The following OR2T12 variants were observed in gnomAD, a reference collection of about 807,000 sequenced individuals.
The protein encoded by OR2T12 is olfactory receptor 2T12.
For synonymous variants in OR2T12, 127 were observed against 160.5 expected (o/e 0.79, Z 1.58); for missense variants, 335 against 404.3 (o/e 0.83, Z 1.47).
At position 248,292,356 on chromosome 1, in the gene OR2T12, C is replaced by CT. The variant is rs1161939163; in HGVS notation, c.*2259dup. On this transcript the variant is annotated 3_prime_UTR_variant, in exon 3 of 3. Coordinates refer to ENST00000641276, the MANE Select transcript of OR2T12 (RefSeq NM_001004692.2). Reference sequence around the variant, plus strand: ...TCTACCATTCATGCTCTTGTATACTCTGTCTCTATCAGGTACTCCTTCTTT... The same window carrying CT: ...TCTACCATTCATGCTCTTGTATACTCTTGTCTCTATCAGGTACTCCTTCTTT... The CT allele has an allele frequency of 6.6e-6, 1 of 152,086 alleles. No individual in the cohort carries two copies. The highest frequency in any genetic ancestry group is 1.5e-5 in the Non-Finnish European group (1 of 67,954). 9.4% of individuals were successfully genotyped at this position (152,086 alleles called of 1,614,324 possible).
Position 248,294,961 on chromosome 1 carries a change from C to T in OR2T12, c.618G>A (p.Leu206=). Residue 206 remains leucine, a synonymous_variant, in exon 3 of 3, where the codon CTG becomes CTA. Coordinates refer to ENST00000641276, the MANE Select transcript of OR2T12 (RefSeq NM_001004692.2). ...AMYICCVLML[L]VPFSLILSSY... ...AGGACAGGATGAGGGAAAAGGGGAC[C>T]AGGAGCATTAACACACAGCAGATGT... 1 of 1,611,554 alleles carries T rather than the reference C, an allele frequency of 6.2e-7. No individual in the cohort carries two copies. The highest frequency in any genetic ancestry group is 8.5e-7 in the Non-Finnish European group (1 of 1,179,784).
chr1:248,294,745 C>T lies in OR2T12; in HGVS notation c.834G>A (p.Met278Ile), dbSNP rs1659689104. The T allele has an allele frequency of 6.2e-7, 1 of 1,613,980 alleles. No individual in the cohort carries two copies. Among genetic ancestry groups the T allele is most frequent in the Non-Finnish European group, 8.5e-7 (1 of 1,179,996 alleles). The change falls in exon 3 of 3, where the codon ATG becomes ATA. Residue 278 changes from methionine to isoleucine, a missense_variant. Physicochemically the swap from Met to Ile is conservative, Grantham distance 10. Coordinates refer to ENST00000641276, the MANE Select transcript of OR2T12 (RefSeq NM_001004692.2). ...TGAGGGGATTTAGTAAAGGGGTGAA[C>T]ATAGTATAGAAGGCTGACACAACCT... ...HDKVVSAFYT[M>I]FTPLLNPLIY...
chr1:248,299,748 C>T (rs925758019), intron 2 of OR2T12, among the ~76,000 whole-genome samples: 3 of 152,130 alleles, frequency 2.0e-5, no homozygotes, highest in Admixed American at 2.0e-4. Context: ...TTCAGCACCA[C>T]ACCACACCTA....
chr1:248,298,678 C>A (rs939427993), intron 2 of OR2T12, among the ~76,000 whole-genome samples: 3 of 151,478 alleles, frequency 2.0e-5, no homozygotes, highest in Non-Finnish European at 4.4e-5. Flanking sequence ...GTTTGTATTT[C>A]TGTGGGATCG....
chr1:248,301,069 T>C (rs937285852), intron 2 of OR2T12, among the ~76,000 whole-genome samples: 1 of 152,130 alleles, frequency 6.6e-6, no homozygotes, highest in Non-Finnish European at 1.5e-5. Flanking sequence ...TGCACTCTTA[T>C]TTGTGTTGTA....
chr1:248,297,751 C>A (rs1378581770), intron 2 of OR2T12, among the ~76,000 whole-genome samples: 1 of 146,914 alleles, frequency 6.8e-6, no homozygotes, highest in African/African-American at 2.6e-5. Context: ...AGATTTTGGG[C>A]TGAGACAATG....
At chr1:248,300,158 A>T (rs545631169) in intron 2 of OR2T12, among the ~76,000 whole-genome samples, 11 of 152,314 alleles carry the variant, frequency 7.2e-5, no homozygotes, top group African/African-American at 2.6e-4. Context: ...GAGTTTTTCC[A>T]AAAAGAATAT....
rs112768553 is a variant in OR2T12 at position 248,296,441 on chromosome 1, C to T, written c.-8-855G>A. Among the ~76,000 whole-genome samples, 1,291 of 152,322 alleles carry T rather than the reference C, an allele frequency of 8.5e-3. 18 individuals carry two copies. Among genetic ancestry groups the T allele is most frequent in the African/African-American group, 0.03 (1,240 of 41,564 alleles). ...TGAGGAATTGCCACACTAACTTCCA[C>T]AATGGTTGAACGAGTTTACAGCCCC... On this transcript the variant is annotated intron_variant, in intron 2 of 2. Coordinates refer to ENST00000641276, the MANE Select transcript of OR2T12 (RefSeq NM_001004692.2).
intron 2 of OR2T12, among the ~76,000 whole-genome samples, chr1:248,296,311 A>G (rs891829913): frequency 6.6e-6 from 1 of 152,184 alleles, no homozygotes; most frequent in African/African-American, 2.4e-5. Context: ...GCCGCAATAA[A>G]CATATGTGTG....
chr1:248,301,184 CA>C (rs1659807156), intron 2 of OR2T12, among the ~76,000 whole-genome samples, 188 bp downstream of exon 2: 1 of 152,030 alleles, frequency 6.6e-6, no homozygotes, highest in Non-Finnish European at 1.5e-5. Context: ...AGATATATCA[CA>C]AATTTATAAC....
At chr1:248,297,326 T>G (rs1439566514) in intron 2 of OR2T12, among the ~76,000 whole-genome samples, 1 of 152,152 alleles carries the variant, frequency 6.6e-6, no homozygotes, top group Non-Finnish European at 1.5e-5. Context: ...AGGATTGACT[T>G]GGTGATGTGG....
chr1:248,295,128 C>T lies in OR2T12; in HGVS notation c.451G>A (p.Ala151Thr). 1.2e-6 allele frequency: 2 copies of T among 1,605,352 alleles called. No homozygotes were observed. The change falls in exon 3 of 3, where the codon GCA (alanine) becomes ACA (threonine). Residue 151 changes from alanine (A) to threonine (T), a missense_variant. Coordinates refer to ENST00000641276, the MANE Select transcript of OR2T12 (RefSeq NM_001004692.2). ...RMTMSSWLLG[A>T]ADGLLQAVAT... ...ACAGCCTGCAGGAGGCCGTCAGCTG[C>T]ACCCAGGAGCCAGGACGACATGGTC...
At chr1:248,295,963 C>A (rs1558277258) in intron 2 of OR2T12, among the ~76,000 whole-genome samples, 1 of 151,968 alleles carries the variant, frequency 6.6e-6, no homozygotes, top group Non-Finnish European at 1.5e-5. Context: ...ACTAACTCCT[C>A]ATCTAGCATT....
Position 248,294,700 on chromosome 1 carries a change from A to G in OR2T12, c.879T>C (p.Ser293=), listed in dbSNP as rs1394643771. 2 of 1,614,102 alleles carry G rather than the reference A, an allele frequency of 1.2e-6. No individual in the cohort carries two copies. The highest frequency in any genetic ancestry group is 2.2e-5 in the East Asian group (1 of 44,862). Residue 293 remains serine, a synonymous_variant, in exon 3 of 3, where the codon AGT becomes AGC. Coordinates refer to ENST00000641276, the MANE Select transcript of OR2T12 (RefSeq NM_001004692.2). ...LNPLIYSVRN[S]EVKEALKRWL... ...ACCGTTTCAGGGCTTCCTTGACCTC[A>G]CTGTTCCTCACACTGTAGATGAGGG...
chr1:248,296,306 A>G (rs1572831236), intron 2 of OR2T12, among the ~76,000 whole-genome samples: 1 of 152,180 alleles, frequency 6.6e-6, no homozygotes, highest in African/African-American at 2.4e-5. Context: ...ATAGTGCCGC[A>G]ATAAACATAT....
At chr1:248,295,859 T>C (rs187874500) in intron 2 of OR2T12, among the ~76,000 whole-genome samples, 97 of 152,260 alleles carry the variant, frequency 6.4e-4, no homozygotes, top group African/African-American at 2.2e-3. Flanking sequence ...AGTTTTGTTA[T>C]TTTTTTAATT....
chr1:248,296,966 C>CTAGG (rs1215911055), intron 2 of OR2T12, among the ~76,000 whole-genome samples: 1 of 152,122 alleles, frequency 6.6e-6, no homozygotes, highest in Non-Finnish European at 1.5e-5. Context: ...AGGTTTTCTT[C>CTAGG]TAGGGTTTTT....
At chr1:248,302,208 T>C (rs1388102405) in intron 1 of OR2T12, among the ~76,000 whole-genome samples, 2 of 152,004 alleles carry the variant, frequency 1.3e-5, no homozygotes, top group Admixed American at 6.6e-5. Flanking sequence ...GCAATAATGA[T>C]CATAGCAATT....
chr1:248,296,099 C>A (rs1342952799), intron 2 of OR2T12, among the ~76,000 whole-genome samples: 1 of 151,114 alleles, frequency 6.6e-6, no homozygotes, highest in Non-Finnish European at 1.5e-5. Flanking sequence ...GTGAGAATAC[C>A]CGGTGTTTGG....
Sources: allele counts gnomAD v4.1 joint callset (sites outside exome capture counted in the v4.1 genomes callset), GRCh38; gene constraint gnomAD v4.1.1; transcripts MANE v1.5; gene names NCBI Gene and HGNC (gene_info 2026-07-23, HGNC 2026-07-21).